CCDC40: variants seen among roughly 807,000 people sequenced by gnomAD.
CCDC40 encodes the protein coiled-coil domain-containing protein 40.
A neutral mutation model predicts 124.5 loss-of-function variants in CCDC40; 104 were observed. The ratio of observed to expected loss-of-function variants is 0.84; its 90% CI spans 0.71 to 0.98. The LOEUF is 0.98. CCDC40 is among the 50% of genes least tolerant of loss of function. CCDC40 has a pLI of 0.00. For synonymous variants in CCDC40, 580 were observed against 602.9 expected (o/e 0.96, Z 0.56); for missense variants, 1,463 against 1,503.9 (o/e 0.97, Z 0.45).
Position 80,049,906 on chromosome 17 carries a change from C to G in CCDC40, c.856C>G (p.Pro286Ala). 1.2e-6 allele frequency: 2 copies of G among 1,613,756 alleles called. No individual in the cohort carries two copies. The highest frequency in any genetic ancestry group is 1.7e-6 in the Non-Finnish European group (2 of 1,179,720). The change falls in exon 6 of 20, where the codon CCC (proline) becomes GCC (alanine). Residue 286 changes from proline (P) to alanine (A), a missense_variant and splice_region_variant. By Grantham distance (27) the Pro-to-Ala change is conservative. Coordinates refer to ENST00000397545, the MANE Select transcript of CCDC40 (RefSeq NM_017950.4). ...SQLVVLDPDH[P>A]LMVRFQAALK... is the part of the protein sequence containing the mutation. ...CACCTGTGGTTTTCCATTGTTCTAG[C>G]CCCTGATGGTAAGATTCCAGGCTGC...
intron 19 of CCDC40, among the ~76,000 whole-genome samples, chr17:80,099,286 A>C (rs2038869502): frequency 6.6e-6 from 1 of 151,492 alleles, no homozygotes; most frequent in Non-Finnish European, 1.5e-5. Flanking sequence ...GCAAGACTCC[A>C]TCTCAAAAAA....
chr17:80,041,360 T>C (rs1480221800), intron 3 of CCDC40, among the ~76,000 whole-genome samples: 2 of 151,704 alleles, frequency 1.3e-5, no homozygotes, highest in South Asian at 4.2e-4. Context: ...ATACAAAAAT[T>C]AGCTGGACGT....
At chr17:80,095,027 G>A (rs897463522) in intron 17 of CCDC40, among the ~76,000 whole-genome samples, 9 of 152,184 alleles carry the variant, frequency 5.9e-5, no homozygotes, top group Admixed American at 4.6e-4. Context: ...TCTCCTTGGT[G>A]GCCTCAGGTC....
rs780297725 is a variant in CCDC40, at chr17:80,040,091, G to A, written c.373G>A (p.Gly125Arg). 6.2e-7 allele frequency: 1 copy of A among 1,614,138 alleles called. No homozygotes were observed. Among genetic ancestry groups the A allele is most frequent in the South Asian group, 1.1e-5 (1 of 91,084 alleles). ...TTTCAGTCCTCCTCAGGAACTGCCT[G>A]GAGAGGAGGCATACGATAGTGTTAG... Reference protein sequence around the residue: ...PYFSPPQELPGEEAYDSVSGE... With the variant: ...PYFSPPQELPREEAYDSVSGE... Residue 125 changes from glycine to arginine, a missense_variant, in exon 3 of 20, where the codon GGA (glycine) becomes AGA (arginine). Physicochemically the swap from Gly to Arg is moderately radical, Grantham distance 125 (BLOSUM62 -2). Coordinates refer to ENST00000397545, the MANE Select transcript of CCDC40 (RefSeq NM_017950.4).
rs1237379061 is a variant in CCDC40, at chr17:80,095,234, A to AG, written c.2833-28dup. 4 of 1,609,234 alleles carry AG rather than the reference A, an allele frequency of 2.5e-6. No homozygotes were observed. In the East Asian group the frequency reaches 6.7e-5, roughly 27 times the overall value. ...TGCAGCTGCAGCTCAGGCCTGCCCC[A>AG]GCCCCAGCCCCTCTGTCCTGTCTCC... is the stretch of plus-strand genomic sequence containing the variant. On this transcript the variant is annotated intron_variant, in intron 17 of 19. Coordinates refer to ENST00000397545, the MANE Select transcript of CCDC40 (RefSeq NM_017950.4).
chr17:80,088,014 T>G lies in CCDC40; in HGVS notation c.2623T>G (p.Ser875Ala). The stretch of plus-strand genomic sequence containing the variant: ...TCCCGCCCCCTCCCCCATGCAGGCC[T>G]CTGAGAGGGAGACCATCAAGATGCA... ...ENEFVRSLKA[S>A]ERETIKMQDK... Residue 875 changes from serine to alanine, a missense_variant, in exon 16 of 20, where the codon TCT becomes GCT. Coordinates refer to ENST00000397545, the MANE Select transcript of CCDC40 (RefSeq NM_017950.4). 8 of 1,518,246 alleles carry G rather than the reference T, an allele frequency of 5.3e-6. No homozygotes were observed. The highest frequency in any genetic ancestry group is 7.3e-6 in the Non-Finnish European group (8 of 1,100,470). The allele number at this position is 1,518,246 out of a possible 1,614,324, so 94.0% of individuals were successfully genotyped here.
At chr17:80,053,393 C>T (rs545379910) in intron 7 of CCDC40, among the ~76,000 whole-genome samples, 1 of 152,306 alleles carries the variant, frequency 6.6e-6, no homozygotes, top group East Asian at 1.9e-4. Context: ...CTCAAAACCA[C>T]CAGGACCTAT....
chr17:80,095,069 TGTGGATTCC>T (rs1442928061), intron 17 of CCDC40, among the ~76,000 whole-genome samples, 185 bp from the exon 18 acceptor site: 4 of 152,354 alleles, frequency 2.6e-5, no homozygotes, highest in African/African-American at 7.2e-5. Flanking sequence ...ACTGTCTGCC[TGTGGATTCC>T]GGGTTCCCAC....
At chr17:80,048,817 G>T in intron 5 of CCDC40, 56 bp downstream of exon 5, 6 of 1,484,452 alleles carry the variant, frequency 4.0e-6, no homozygotes, top group Non-Finnish European at 4.6e-6. Flanking sequence ...AATGACTCAG[G>T]CCCCTTTCTC....
At chr17:80,090,038 C>T (rs1003687083) in intron 17 of CCDC40, 154 bp downstream of exon 17, 41 of 1,535,346 alleles carry the variant, frequency 2.7e-5, no homozygotes, top group Non-Finnish European at 3.4e-5. Flanking sequence ...TTCCAGGGAG[C>T]GACCCGCTCC....
rs757730799 is a variant in CCDC40, at chr17:80,086,162, G to T, written c.2395G>T (p.Asp799Tyr). Residue 799 changes from aspartate (D) to tyrosine (Y), a missense_variant, in exon 14 of 20, where the codon GAC becomes TAC. Coordinates refer to ENST00000397545, the MANE Select transcript of CCDC40 (RefSeq NM_017950.4). The surrounding 1 kb of genome is among the most constrained non-coding windows in gnomAD (Gnocchi z 5.5). Reference protein sequence around the residue: ...QEQEEQLASLDASKKELHIME... With the variant: ...QEQEEQLASLYASKKELHIME... ...GCAGGAGGAGCAGCTGGCCTCCCTG[G>T]ACGCATCCAAGAAGGAGCTCCACAT... The T allele has an allele frequency of 2.5e-6, 4 of 1,613,776 alleles. No individual in the cohort carries two copies. The highest frequency in any genetic ancestry group is 3.3e-5 in the Admixed American group (2 of 59,978).
chr17:80,066,067 G>A lies in CCDC40; in HGVS notation c.1562+461G>A, dbSNP rs1568691968. 2.8e-6 allele frequency: 2 copies of A among 702,724 alleles called. No individual in the cohort carries two copies. Among genetic ancestry groups the A allele is most frequent in the Non-Finnish European group, 5.2e-6 (2 of 384,854 alleles). The allele number at this position is 702,724 out of a possible 1,614,324, so 43.5% of individuals were successfully genotyped here. Reference sequence around the variant, plus strand: ...CATCCCCTCACTTCTGGGGATGGATGCGTGGCTCAGGGCAGGGCGTTGGAG... The same window carrying A: ...CATCCCCTCACTTCTGGGGATGGATACGTGGCTCAGGGCAGGGCGTTGGAG... On this transcript the variant is annotated intron_variant, in intron 10 of 19. Transcript: ENST00000397545. The surrounding 1 kb of genome is among the most constrained non-coding windows in gnomAD (Gnocchi z 4.4).
chr17:80,059,930 CG>C (rs2037855506), intron 9 of CCDC40, among the ~76,000 whole-genome samples: 1 of 152,104 alleles, frequency 6.6e-6, no homozygotes, highest in East Asian at 1.9e-4. Context: ...AGGGAGGGCC[CG>C]GGGCTGGGCG....
chr17:80,084,923 G>T lies in CCDC40; in HGVS notation c.2170G>T (p.Glu724Ter), dbSNP rs780935628. 6.2e-7 allele frequency: 1 copy of T among 1,613,916 alleles called. No individual in the cohort carries two copies. The highest frequency in any genetic ancestry group is 8.5e-7 in the Non-Finnish European group (1 of 1,180,030). Reference sequence around the variant, plus strand: ...GATCTCCCGGCGCACGATCCTGATCGAGAGGAAGCAAGGGCTCATCAACTT... The same window carrying T: ...GATCTCCCGGCGCACGATCCTGATCTAGAGGAAGCAAGGGCTCATCAACTT... ...SEISRRTILIERKQGLINFLN... is the reference protein window; with the variant it reads ...SEISRRTILI Residue 724 changes from glutamate (E) to a stop codon, truncating the protein, a stop_gained, in exon 13 of 20, where the codon GAG becomes TAG. Transcript: ENST00000397545. LOFTEE classifies it high-confidence loss of function.
intron 3 of CCDC40, among the ~76,000 whole-genome samples, chr17:80,044,871 A>G (rs2037382297): frequency 6.6e-6 from 1 of 151,992 alleles, no homozygotes; most frequent in East Asian, 1.9e-4. Flanking sequence ...TTCAAATATG[A>G]TTGAAGAAAG....
chr17:80,047,242 A>G, intron 3 of CCDC40, 37 bp from the exon 4 acceptor site: 1 of 1,608,660 alleles, frequency 6.2e-7, no homozygotes, highest in South Asian at 1.1e-5. Flanking sequence ...GTGGCAATTA[A>G]GCCCTGTTGA....
At chr17:80,067,813 A>G (rs1487062220) in intron 10 of CCDC40, 6 of 1,442,282 alleles carry the variant, frequency 4.2e-6, no homozygotes, top group African/African-American at 1.4e-5. Context: ...GTCCCCTGAC[A>G]GCTCAGCATG....
intron 10 of CCDC40, among the ~76,000 whole-genome samples, chr17:80,076,497 T>A (rs2038313498): frequency 6.7e-6 from 1 of 149,874 alleles, no homozygotes; most frequent in Non-Finnish European, 1.5e-5. Flanking sequence ...GGCTTGAGCC[T>A]AGGAGGCTGA....
At chr17:80,054,584 A>C (rs2037690072) in intron 7 of CCDC40, among the ~76,000 whole-genome samples, 1 of 152,216 alleles carries the variant, frequency 6.6e-6, no homozygotes, top group South Asian at 2.1e-4. Context: ...TCCTGAACAA[A>C]ATGTTAGCAA....
Sources: allele counts gnomAD v4.1 joint callset (sites outside exome capture counted in the v4.1 genomes callset), GRCh38; gene constraint gnomAD v4.1.1; non-coding constraint Gnocchi (gnomAD v3.1); transcripts MANE v1.5; gene names NCBI Gene and HGNC (gene_info 2026-07-23, HGNC 2026-07-21).